MAP3K14: variants seen among roughly 807,000 people sequenced by gnomAD.
MAP3K14 encodes NF-kappa-beta-inducing kinase.
MAP3K14 carries 16 observed loss-of-function variants against 99.2 expected under a neutral mutation model. That is an observed-to-expected ratio of 0.16 (90% CI 0.11 to 0.24). The LOEUF (loss-of-function observed/expected upper bound fraction) is 0.24, where lower values mean the gene tolerates loss of function less well. Among genes scored for constraint, MAP3K14 ranks in the 10% least tolerant of loss-of-function variants. MAP3K14 has a pLI of 1.00. For synonymous variants in MAP3K14, 462 were observed against 492.4 expected (o/e 0.94, Z 0.82); for missense variants, 784 against 1,208.7 (o/e 0.65, Z 5.21).
chr17:45,296,733 G>T (rs1262535713), intron 1 of MAP3K14, among the ~76,000 whole-genome samples: 1 of 152,172 alleles, frequency 6.6e-6, no homozygotes, highest in Non-Finnish European at 1.5e-5. Flanking sequence ...TGCCCGAGCA[G>T]GGCAGCACTG....
At chr17:45,302,022 G>C (rs939454789) in intron 1 of MAP3K14, among the ~76,000 whole-genome samples, 2 of 151,876 alleles carry the variant, frequency 1.3e-5, no homozygotes, top group East Asian at 1.9e-4. Flanking sequence ...GTAGAGACAG[G>C]GTTTTGCCAT....
In MAP3K14 at chr17:45,305,503, C is replaced by T. The variant is rs567822265; in HGVS notation, c.-21+11457G>A. ...CTCCACCTCCCGAATTCAAGCGATT[C>T]TTATGCCTCAGCCACCCAAGTGGCT... On this transcript the variant is annotated intron_variant, in intron 1 of 15. Coordinates refer to ENST00000344686, the MANE Select transcript of MAP3K14 (RefSeq NM_003954.5). Among the ~76,000 whole-genome samples the T allele has an allele frequency of 2.0e-5, 3 of 150,032 alleles. No homozygotes were observed. In the East Asian group the frequency reaches 6.0e-4, roughly 30 times the overall value.
At chr17:45,280,902 C>T (rs1203821284) in intron 6 of MAP3K14, among the ~76,000 whole-genome samples, 8 of 152,116 alleles carry the variant, frequency 5.3e-5, no homozygotes, top group African/African-American at 1.7e-4. Flanking sequence ...TGAGCTACTG[C>T]GCCTGGCCGA....
chr17:45,291,076 CTCTT>C (rs2044306477), intron 1 of MAP3K14: 2 of 267,642 alleles, frequency 7.5e-6, no homozygotes, highest in Non-Finnish European at 1.5e-5. Context: ...TCTGGGTTGG[CTCTT>C]TCTTGCCTTT....
chr17:45,284,812 C>T lies in MAP3K14; in HGVS notation c.1290G>A (p.Lys430=), dbSNP rs2044251177. 1 of 1,593,502 alleles carries T rather than the reference C, an allele frequency of 6.3e-7. No individual in the cohort carries two copies. The highest frequency in any genetic ancestry group is 8.5e-7 in the Non-Finnish European group (1 of 1,170,510). Residue 430 remains lysine (K), a splice_region_variant and synonymous_variant, in exon 6 of 16, where the codon AAG becomes AAA. Coordinates refer to ENST00000344686, the MANE Select transcript of MAP3K14 (RefSeq NM_003954.5). ...ACTCAGCCCCTGAGCCCTGGCGTAC[C>T]TTTTTGACAGCGCACTGGAAGCCAG... ...KQTGFQCAVK[K]VRLEVFRAEE... is the part of the protein sequence containing the mutation.
At chr17:45,316,286 GGTGCCCA>G (rs1312740182) in intron 1 of MAP3K14, among the ~76,000 whole-genome samples, 3 of 152,232 alleles carry the variant, frequency 2.0e-5, no homozygotes, top group Admixed American at 2.0e-4. Flanking sequence ...CTCTCTGCCT[GGTGCCCA>G]GTGGCTGCAA....
At chr17:45,315,003 G>A (rs1460722087) in intron 1 of MAP3K14, among the ~76,000 whole-genome samples, 1 of 146,526 alleles carries the variant, frequency 6.8e-6, no homozygotes, top group Non-Finnish European at 1.5e-5. Flanking sequence ...GGGATGAACT[G>A]TTATCAATCA....
chr17:45,303,931 C>A (rs1193869600), intron 1 of MAP3K14, among the ~76,000 whole-genome samples: 1 of 151,642 alleles, frequency 6.6e-6, no homozygotes, highest in Non-Finnish European at 1.5e-5. Flanking sequence ...CATGTAATGT[C>A]ATACAAATTG....
chr17:45,278,290 G>A (rs918836550), intron 6 of MAP3K14, among the ~76,000 whole-genome samples: 1 of 152,044 alleles, frequency 6.6e-6, no homozygotes, highest in African/African-American at 2.4e-5. Context: ...TTTAGAAGTC[G>A]GTGCCAGAGG....
intron 6 of MAP3K14, among the ~76,000 whole-genome samples, chr17:45,281,025 T>C (rs2044218402): frequency 6.6e-6 from 1 of 152,150 alleles, no homozygotes; most frequent in Non-Finnish European, 1.5e-5. Context: ...GTTGTATATA[T>C]GCCAATAAGG....
chr17:45,284,858 T>C lies in MAP3K14; in HGVS notation c.1244A>G (p.His415Arg), dbSNP rs774469329. Residue 415 changes from histidine to arginine, a missense_variant, in exon 6 of 16, where the codon CAC becomes CGC. His to Arg is a conservative substitution (Grantham distance 29, BLOSUM62 0). Transcript: ENST00000344686. ...GCCAGTCTGCTTGTCCTCCATCCTGTGCACCTCTCCGAAGGAGCCTCTGCC... is the reference window on the plus strand; with the variant it reads ...GCCAGTCTGCTTGTCCTCCATCCTGCGCACCTCTCCGAAGGAGCCTCTGCC... ...RLGRGSFGEV[H>R]RMEDKQTGFQ... 6.3e-6 allele frequency: 10 copies of C among 1,589,576 alleles called. No individual in the cohort carries two copies. Among genetic ancestry groups the C allele is most frequent in the Middle Eastern group, 1.7e-4 (1 of 6,022 alleles).
chr17:45,311,407 C>T (rs1466831112), intron 1 of MAP3K14, among the ~76,000 whole-genome samples: 1 of 152,196 alleles, frequency 6.6e-6, no homozygotes. Context: ...TGGTCCTGGA[C>T]ATTGCTTATA....
Position 45,264,551 on chromosome 17 carries a change from G to C in MAP3K14, c.*85C>G. ...CGGGGGCTGGCAGATCCCTGGGAAC[G>C]GCTGAGCCTGTGTTTCAGGGCAGCA... is the stretch of plus-strand genomic sequence containing the variant. On this transcript the variant is annotated 3_prime_UTR_variant, in exon 16 of 16. Transcript: ENST00000344686. 1 of 1,430,786 alleles carries C rather than the reference G, an allele frequency of 7.0e-7. No individual in the cohort carries two copies. The highest frequency in any genetic ancestry group is 1.4e-5 in the South Asian group (1 of 69,474). The allele number at this position is 1,430,786 out of a possible 1,614,324, so 88.6% of individuals were successfully genotyped here.
chr17:45,309,150 C>T (rs913267225), intron 1 of MAP3K14, among the ~76,000 whole-genome samples: 33 of 152,206 alleles, frequency 2.2e-4, no homozygotes, highest in African/African-American at 7.2e-4. Flanking sequence ...ACTGTCCCTA[C>T]GCTTCTGAAA....
chr17:45,270,384 C>G, intron 11 of MAP3K14, 29 bp downstream of exon 11: 7 of 1,600,856 alleles, frequency 4.4e-6, no homozygotes, highest in Non-Finnish European at 6.0e-6. Flanking sequence ...TTCTGCCCCC[C>G]GGGTCAGCCA....
At chr17:45,295,788 C>T (rs939647395) in intron 1 of MAP3K14, among the ~76,000 whole-genome samples, 1 of 152,182 alleles carries the variant, frequency 6.6e-6, no homozygotes, top group African/African-American at 2.4e-5. Flanking sequence ...ACATGAAATG[C>T]CAATCAGGTT....
chr17:45,270,822 C>T, intron 10 of MAP3K14: 2 of 755,088 alleles, frequency 2.6e-6, no homozygotes, highest in Non-Finnish European at 4.3e-6. Flanking sequence ...GTGGATGGGG[C>T]CCAGGGTATG....
chr17:45,274,397 T>G (rs2044163372), intron 7 of MAP3K14, 67 bp downstream of exon 7: 2 of 1,600,734 alleles, frequency 1.2e-6, no homozygotes, highest in South Asian at 2.2e-5. Flanking sequence ...CAAGGCCAAC[T>G]TGGGCAAGAC....
At position 45,267,315 on chromosome 17, in the gene MAP3K14, A is replaced by G; in HGVS notation, c.2326+91T>C. 6.9e-7 allele frequency: 1 copy of G among 1,449,974 alleles called. No individual in the cohort carries two copies. The highest frequency in any genetic ancestry group is 9.5e-7 in the Non-Finnish European group (1 of 1,057,810). 89.8% of individuals were successfully genotyped at this position (1,449,974 alleles called of 1,614,324 possible). On this transcript the variant is annotated intron_variant, in intron 12 of 15. Transcript: ENST00000344686. The surrounding 1 kb of genome is among the most constrained non-coding windows in gnomAD (Gnocchi z 5.1). ...GCTGCTGGGGAAGGGGCTGGAAGAA[A>G]GCCCACACCGCAGGTAAAGAGAAAC...
Sources: allele counts gnomAD v4.1 joint callset (sites outside exome capture counted in the v4.1 genomes callset), GRCh38; gene constraint gnomAD v4.1.1; non-coding constraint Gnocchi (gnomAD v3.1); transcripts MANE v1.5; gene names NCBI Gene and HGNC (gene_info 2026-07-23, HGNC 2026-07-21).